Variants in CSMD2 observed in about 807,000 individuals in gnomAD.
CSMD2 encodes the protein CUB and Sushi multiple domains 2.
In CSMD2, 130 loss-of-function variants were observed where a neutral mutation model predicts 398.5. The observed-to-expected ratio is 0.33, with a 90% CI of 0.28 to 0.38. The LOEUF (loss-of-function observed/expected upper bound fraction) is 0.38, where lower values mean the gene tolerates loss of function less well. CSMD2 is among the 10% of genes least tolerant of loss of function. CSMD2 has a pLI of 1.00. For missense variants in CSMD2, 3,829 were observed against 4,764.9 expected (o/e 0.80, Z 5.78); for synonymous variants, 1,828 against 1,908.5 (o/e 0.96, Z 1.10).
rs117260150 is a variant in CSMD2, at chr1:33,795,372, C to T, written c.1447-2846G>A. On this transcript the variant is annotated intron_variant, in intron 10 of 70. Transcript: ENST00000373381. ...CATTTCCTCAGGCTGGGATCTCCCA[C>T]CCATCTCTCACACTCCACACTCCTG... Among the ~76,000 whole-genome samples, 410 of 152,264 alleles carry T rather than the reference C, an allele frequency of 2.7e-3. 3 individuals carry two copies. Among genetic ancestry groups the T allele is most frequent in the South Asian group, 0.022 (104 of 4,826 alleles).
At chr1:34,021,861 G>T (rs563021836) in intron 3 of CSMD2, among the ~76,000 whole-genome samples, 1 of 152,328 alleles carries the variant, frequency 6.6e-6, no homozygotes, top group East Asian at 1.9e-4. Flanking sequence ...GAGCAATTAA[G>T]CAGTTACCAT....
chr1:33,671,577 C>T, intron 25 of CSMD2, among the ~76,000 whole-genome samples: 1 of 152,158 alleles, frequency 6.6e-6, no homozygotes, highest in East Asian at 1.9e-4. Flanking sequence ...CCACCTCCCA[C>T]TGCCACACCC....
At chr1:33,955,930 A>G (rs78973772) in intron 3 of CSMD2, among the ~76,000 whole-genome samples, 2 of 152,110 alleles carry the variant, frequency 1.3e-5, no homozygotes, top group Non-Finnish European at 2.9e-5. Flanking sequence ...ACACCAGTGC[A>G]TGATGTAGGC....
At chr1:33,726,757 T>G in intron 15 of CSMD2, 72 bp from the exon 16 acceptor site, 1 of 1,472,666 alleles carries the variant, frequency 6.8e-7, no homozygotes, top group Non-Finnish European at 9.1e-7. Flanking sequence ...AATCTCTCTA[T>G]AAAATGTGTC....
At chr1:34,123,198 C>T (rs574471271) in intron 1 of CSMD2, among the ~76,000 whole-genome samples, 9 of 152,236 alleles carry the variant, frequency 5.9e-5, no homozygotes, top group Admixed American at 2.6e-4. Context: ...CCTGAACCTC[C>T]GGGAAAGGGA....
chr1:34,111,790 A>G (rs1661101129), intron 1 of CSMD2, among the ~76,000 whole-genome samples: 1 of 152,020 alleles, frequency 6.6e-6, no homozygotes, highest in South Asian at 2.1e-4. Flanking sequence ...AGGGAGGGAG[A>G]GAGAAAAAGA....
At chr1:33,792,338 G>C (rs1557901405) in intron 11 of CSMD2, 85 bp downstream of exon 11, 2 of 870,164 alleles carry the variant, frequency 2.3e-6, no homozygotes, top group East Asian at 2.4e-5. Context: ...GTATGGTCTA[G>C]GGACCAGGCA....
intron 1 of CSMD2, among the ~76,000 whole-genome samples, chr1:34,145,645 CT>C (rs1368219351): frequency 6.6e-6 from 1 of 152,196 alleles, no homozygotes; most frequent in African/African-American, 2.4e-5. Flanking sequence ...ACACAAGACT[CT>C]TGGGAGGAAC....
intron 1 of CSMD2, among the ~76,000 whole-genome samples, chr1:34,123,844 C>T (rs1426356491): frequency 6.6e-6 from 1 of 152,032 alleles, no homozygotes; most frequent in East Asian, 1.9e-4. Context: ...GAGAGCTTTT[C>T]CCTAAACAGT....
chr1:33,946,980 C>T (rs2125357532), intron 3 of CSMD2, among the ~76,000 whole-genome samples: 1 of 152,246 alleles, frequency 6.6e-6, no homozygotes, highest in Non-Finnish European at 1.5e-5. Flanking sequence ...TTGTCTGGGT[C>T]AGAATGACCC....
At chr1:33,771,547 ATT>A (rs201225021) in intron 13 of CSMD2, among the ~76,000 whole-genome samples, 1 of 149,370 alleles carries the variant, frequency 6.7e-6, no homozygotes, top group Non-Finnish European at 1.5e-5. Context: ...GGACAACGTG[ATT>A]TTTTTTTTTC....
chr1:34,021,392 C>A (rs1648855579), intron 3 of CSMD2, among the ~76,000 whole-genome samples: 1 of 152,214 alleles, frequency 6.6e-6, no homozygotes, highest in Admixed American at 6.5e-5. Context: ...CCTACCAGAG[C>A]AGCAGTTGAA....
At chr1:34,008,207 G>T (rs762510132) in intron 3 of CSMD2, among the ~76,000 whole-genome samples, 5 of 152,132 alleles carry the variant, frequency 3.3e-5, no homozygotes, top group Non-Finnish European at 7.4e-5. Context: ...TCTCCCCACA[G>T]GTTCCTTCAT....
chr1:33,819,426 G>A (rs771116812), intron 9 of CSMD2, among the ~76,000 whole-genome samples: 6 of 152,184 alleles, frequency 3.9e-5, no homozygotes, highest in Non-Finnish European at 8.8e-5. Flanking sequence ...ATTCAATGAG[G>A]TAGCAAGCTG....
chr1:33,759,354 TTCTC>T (rs1238887978), intron 13 of CSMD2, among the ~76,000 whole-genome samples: 2 of 140,010 alleles, frequency 1.4e-5, no homozygotes, highest in South Asian at 2.3e-4. Flanking sequence ...GAGACAGAGT[TTCTC>T]TCTGTCACCC....
chr1:33,701,082 T>A (rs1645597536), intron 22 of CSMD2, among the ~76,000 whole-genome samples: 1 of 152,186 alleles, frequency 6.6e-6, no homozygotes. Context: ...CATCTCTACA[T>A]TGCTAAACCC....
chr1:33,610,294 T>A (rs532432132), intron 41 of CSMD2, among the ~76,000 whole-genome samples: 1 of 151,998 alleles, frequency 6.6e-6, no homozygotes, highest in South Asian at 2.1e-4. Context: ...TTTTAAAAAT[T>A]CAGTGGAAGA....
At chr1:34,145,690 A>C (rs991161199) in intron 1 of CSMD2, among the ~76,000 whole-genome samples, 25 of 152,266 alleles carry the variant, frequency 1.6e-4, no homozygotes, top group South Asian at 4.1e-4. Flanking sequence ...CGCCATAACA[A>C]AGTTAGGTTG....
intron 2 of CSMD2, among the ~76,000 whole-genome samples, chr1:34,075,649 C>T (rs958895557): frequency 5.3e-5 from 8 of 152,180 alleles, no homozygotes; most frequent in African/African-American, 1.7e-4. Flanking sequence ...CAGTCATCAC[C>T]AGCACCCTAT....
Sources: allele counts gnomAD v4.1 joint callset (sites outside exome capture counted in the v4.1 genomes callset), GRCh38; gene constraint gnomAD v4.1.1; transcripts MANE v1.5; gene names NCBI Gene and HGNC (gene_info 2026-07-23, HGNC 2026-07-21).